MYO1A: variants seen among roughly 807,000 people sequenced by gnomAD.
The protein encoded by MYO1A is unconventional myosin-Ia.
MYO1A carries 127 observed loss-of-function variants against 138.5 expected under a neutral mutation model. The ratio of observed to expected loss-of-function variants is 0.92; its 90% CI spans 0.79 to 1.06. The LOEUF (loss-of-function observed/expected upper bound fraction) is 1.06. Ranked by LOEUF, MYO1A falls within the 50% of genes least tolerant of loss-of-function variation. MYO1A has a pLI of 0.00. For missense variants in MYO1A, 1,211 were observed against 1,288.8 expected, an observed-to-expected ratio of 0.94 and a Z score of 0.92; for synonymous variants, 477 against 497.5, an observed-to-expected ratio of 0.96 and a Z score of 0.55.
rs1228678855 is a variant in MYO1A at position 57,028,641 on chromosome 12, C to G, written c.*114G>C. ...GTCCTCTTCAAGGGTAGTTTAATCCCCAAGCCATGCGCCACGATCAGAGGG... is the reference window on the plus strand; with the variant it reads ...GTCCTCTTCAAGGGTAGTTTAATCCGCAAGCCATGCGCCACGATCAGAGGG... On this transcript the variant is annotated 3_prime_UTR_variant, in exon 28 of 28. Coordinates refer to ENST00000300119, the MANE Select transcript of MYO1A (RefSeq NM_005379.4). 25 of 1,462,584 alleles carry G rather than the reference C, an allele frequency of 1.7e-5. No individual in the cohort carries two copies. The highest frequency in any genetic ancestry group is 1.2e-4 in the South Asian group (9 of 77,412). 90.6% of individuals were successfully genotyped at this position (1,462,584 alleles called of 1,614,324 possible).
intron 5 of MYO1A, 92 bp from the exon 6 acceptor site, chr12:57,047,199 T>C (rs2136458883): frequency 1.3e-6 from 2 of 1,589,708 alleles, no homozygotes; most frequent in Non-Finnish European, 1.7e-6. Flanking sequence ...TTTTTCTGGG[T>C]CGAACAAGAG....
chr12:57,028,957 C>G, intron 27 of MYO1A, 76 bp from the exon 28 acceptor site: 4 of 1,598,684 alleles, frequency 2.5e-6, no homozygotes, highest in Non-Finnish European at 2.6e-6. Context: ...ATGGCCCCCC[C>G]ATCATGCGAG....
In MYO1A at chr12:57,047,286, G is replaced by A; in HGVS notation, c.430+17C>T. ...GGTTAGATGGAGGGTGGAGAGGGCA[G>A]AGAGCAGAATTCTCACCCTCCAGCA... is the stretch of plus-strand genomic sequence containing the variant. On this transcript the variant is annotated intron_variant, in intron 5 of 27. Coordinates refer to ENST00000300119, the MANE Select transcript of MYO1A (RefSeq NM_005379.4). 1 of 1,607,188 alleles carries A rather than the reference G, an allele frequency of 6.2e-7. No homozygotes were observed. Among genetic ancestry groups the A allele is most frequent in the South Asian group, 1.1e-5 (1 of 90,960 alleles).
At chr12:57,039,988 C>T (rs1012105480) in intron 14 of MYO1A, among the ~76,000 whole-genome samples, 2 of 152,212 alleles carry the variant, frequency 1.3e-5, no homozygotes, top group African/African-American at 2.4e-5. Flanking sequence ...CAAAGATAAT[C>T]GTTCTCTACT....
chr12:57,048,974 G>C (rs1318410855), intron 1 of MYO1A, among the ~76,000 whole-genome samples: 6 of 152,232 alleles, frequency 3.9e-5, no homozygotes, highest in Non-Finnish European at 4.4e-5. Context: ...CTCCATAAGA[G>C]ATTGGAATTT....
At position 57,036,486 on chromosome 12, in the gene MYO1A, G is replaced by C; in HGVS notation, c.2275-105C>G. On this transcript the variant is annotated intron_variant, in intron 21 of 27. Transcript: ENST00000300119. ...AAAGACCTGAGTAAGATAAAGAGCT[G>C]AGACTGTAGCTGGAAGTTGGAAGTA... 5 of 1,188,908 alleles carry C rather than the reference G, an allele frequency of 4.2e-6. No homozygotes were observed. The South Asian group carries it at 4.9e-5, about 12-fold the overall frequency. 73.6% of individuals were successfully genotyped at this position (1,188,908 alleles called of 1,614,324 possible).
chr12:57,037,394 T>C (rs1275430284), intron 19 of MYO1A, among the ~76,000 whole-genome samples, 154 bp downstream of exon 19: 1 of 152,122 alleles, frequency 6.6e-6, no homozygotes, highest in Non-Finnish European at 1.5e-5. Flanking sequence ...AAGAGTTCAA[T>C]TCCCAGGGAT....
At chr12:57,046,679 T>C (rs1199969501) in intron 7 of MYO1A, 29 bp from the exon 8 acceptor site, 1 of 1,593,666 alleles carries the variant, frequency 6.3e-7, no homozygotes, top group Admixed American at 1.7e-5. Flanking sequence ...AATAATATCC[T>C]GAGGGCCTGG....
chr12:57,030,763 TA>T (rs1306576082), intron 23 of MYO1A, among the ~76,000 whole-genome samples: 1 of 151,790 alleles, frequency 6.6e-6, no homozygotes, highest in Admixed American at 6.6e-5. Context: ...AATGGGAGAA[TA>T]GGGGGTTATT....
chr12:57,042,119 A>G (rs2030885708), intron 12 of MYO1A, among the ~76,000 whole-genome samples: 1 of 152,052 alleles, frequency 6.6e-6, no homozygotes. Context: ...GAAATCCTAT[A>G]CCCATTATTA....
chr12:57,029,860 T>C lies in MYO1A; in HGVS notation c.2604A>G (p.Pro868=). ...GCAGCCCAATGTAGTCACCACAGAA[T>C]GGAATGGGGACACTGAGAACACATG... ...KASYPQSVPI[P]FCGDYIGLQG... is the part of the protein sequence containing the mutation. Residue 868 remains proline (P), a synonymous_variant, in exon 25 of 28, where the codon CCA becomes CCG. Coordinates refer to ENST00000300119, the MANE Select transcript of MYO1A (RefSeq NM_005379.4). The C allele has an allele frequency of 6.2e-7, 1 of 1,614,112 alleles. No homozygotes were observed.
chr12:57,028,999 T>G, intron 27 of MYO1A, 118 bp from the exon 28 acceptor site: 1 of 1,591,918 alleles, frequency 6.3e-7, no homozygotes, highest in Non-Finnish European at 8.6e-7. Context: ...AGAACCTGGG[T>G]GGGGGCCTGA....
At position 57,046,938 on chromosome 12, in the gene MYO1A, G is replaced by T. The variant is rs1240599760; in HGVS notation, c.478-12C>A. On this transcript the variant is annotated splice_polypyrimidine_tract_variant and intron_variant, in intron 6 of 27. Coordinates refer to ENST00000300119, the MANE Select transcript of MYO1A (RefSeq NM_005379.4). ...TCCATGTATTTTCCCTTCAGAGAGA[G>T]ACCAGAGAGAGAGACTTAGCTTCTT... The T allele has an allele frequency of 6.2e-7, 1 of 1,613,810 alleles. No homozygotes were observed. Among genetic ancestry groups the T allele is most frequent in the Admixed American group, 1.7e-5 (1 of 60,004 alleles).
chr12:57,050,461 G>A (rs1008275995), upstream of MYO1A, among the ~76,000 whole-genome samples: 2 of 152,190 alleles, frequency 1.3e-5, no homozygotes, highest in African/African-American at 4.8e-5. Context: ...CAAGGCGGGA[G>A]GATCACTTGA....
Position 57,029,481 on chromosome 12 carries a change from G to C in MYO1A, c.2831C>G (p.Ser944Ter). Residue 944 changes from serine (S) to a stop codon, truncating the protein, a stop_gained, in exon 26 of 28, where the codon TCA becomes TGA. Coordinates refer to ENST00000300119, the MANE Select transcript of MYO1A (RefSeq NM_005379.4). LOFTEE classifies it high-confidence loss of function. The part of the protein sequence containing the change: ...VIGLDNVAGV[S>*]VTSLKDGLFS... ...GAGCCCATCCTTGAGGCTGGTGACT[G>C]ACACCCCAGCCACATTGTCTAGCCC... 1 of 1,614,156 alleles carries C rather than the reference G, an allele frequency of 6.2e-7. No homozygotes were observed. Among genetic ancestry groups the C allele is most frequent in the Non-Finnish European group, 8.5e-7 (1 of 1,180,038 alleles).
At position 57,044,943 on chromosome 12, in the gene MYO1A, T is replaced by C. The variant is rs1245990193; in HGVS notation, c.641-734A>G. 3.9e-5 allele frequency among the ~76,000 whole-genome samples: 6 copies of C among 152,306 alleles called. No individual in the cohort carries two copies. In the East Asian group the frequency reaches 9.6e-4, roughly 24 times the overall value. ...TCAACTCTTGGCGTGGGTTGCTCATTCATTGTTTGAACACCAAACACCAAT... is the reference window on the plus strand; with the variant it reads ...TCAACTCTTGGCGTGGGTTGCTCATCCATTGTTTGAACACCAAACACCAAT... On this transcript the variant is annotated intron_variant, in intron 8 of 27. Transcript: ENST00000300119.
chr12:57,029,875 G>A lies in MYO1A; in HGVS notation c.2592-3C>T, dbSNP rs984519825. ...CACCACAGAATGGAATGGGGACACT[G>A]AGAACACATGGGAGGTGTGCAGCGC... On this transcript the variant is annotated splice_polypyrimidine_tract_variant and splice_region_variant and intron_variant, in intron 24 of 27. Coordinates refer to ENST00000300119, the MANE Select transcript of MYO1A (RefSeq NM_005379.4). 31 of 1,614,154 alleles carry A rather than the reference G, an allele frequency of 1.9e-5. No homozygotes were observed. The highest frequency in any genetic ancestry group is 2.5e-5 in the Non-Finnish European group (29 of 1,180,020).
rs2030710492 is a variant in MYO1A, at chr12:57,038,730, A to G, written c.1533+79T>C. On this transcript the variant is annotated intron_variant, in intron 16 of 27. Transcript: ENST00000300119. Reference sequence around the variant, plus strand: ...TCATTGTGAAGTATTCCAGACTCTCACCTTCCCCGGGTTCCTCCCCCATTG... The same window carrying G: ...TCATTGTGAAGTATTCCAGACTCTCGCCTTCCCCGGGTTCCTCCCCCATTG... 5.6e-6 allele frequency: 9 copies of G among 1,608,654 alleles called. No homozygotes were observed. The South Asian group carries it at 7.7e-5, about 14-fold the overall frequency.
At chr12:57,045,053 TC>T (rs1315764230) in intron 8 of MYO1A, among the ~76,000 whole-genome samples, 2 of 152,214 alleles carry the variant, frequency 1.3e-5, no homozygotes, top group Non-Finnish European at 2.9e-5. Flanking sequence ...CAAATGGCTG[TC>T]TTGCATTCCC....
Sources: gnomAD v4.1 joint callset for allele counts (sites outside exome capture counted in the v4.1 genomes callset) on GRCh38, gnomAD v4.1.1 for gene constraint, MANE v1.5 for transcripts, NCBI Gene and HGNC (gene_info 2026-07-23, HGNC 2026-07-21) for gene names.